Variants in TANGO6 observed in about 807,000 individuals in gnomAD.
The protein encoded by TANGO6 is transport and golgi organization 6 homolog.
In TANGO6, 90 loss-of-function variants were observed where a neutral mutation model predicts 114.2. That is an observed-to-expected ratio of 0.79 (90% CI 0.66 to 0.94). The LOEUF (loss-of-function observed/expected upper bound fraction) is 0.94. Among genes scored for constraint, TANGO6 ranks in the 40% least tolerant of loss-of-function variants. TANGO6 has a pLI of 0.00. For missense variants in TANGO6, 1,274 were observed against 1,315.3 expected, an observed-to-expected ratio of 0.97 and a Z score of 0.49; for synonymous variants, 477 against 509.8, an observed-to-expected ratio of 0.94 and a Z score of 0.87.
intron 16 of TANGO6, among the ~76,000 whole-genome samples, chr16:69,030,199 G>C (rs934265902): frequency 6.6e-6 from 1 of 151,524 alleles, no homozygotes; most frequent in Non-Finnish European, 1.5e-5. Context: ...AACAACTGCC[G>C]TGTTAGGGGC....
intron 17 of TANGO6, among the ~76,000 whole-genome samples, chr16:69,054,956 A>C (rs1304025477): frequency 2.6e-5 from 4 of 151,686 alleles, no homozygotes; most frequent in Non-Finnish European, 4.4e-5. Context: ...AAAAAAAAAA[A>C]AAAAAAAACT....
In TANGO6 at chr16:68,919,147, G is replaced by T; in HGVS notation, c.2055G>T (p.Glu685Asp). Reference protein sequence around the residue: ...RACASLAHQAESTVESQTLSM... With the variant: ...RACASLAHQADSTVESQTLSM... ...GTGCAAGCCTGGCCCATCAGGCAGAGAGCACCGTGGAATCACAGACGCTGA... is the reference window on the plus strand; with the variant it reads ...GTGCAAGCCTGGCCCATCAGGCAGATAGCACCGTGGAATCACAGACGCTGA... The change falls in exon 12 of 18, where the codon GAG becomes GAT. Residue 685 changes from glutamate (E) to aspartate (D), a missense_variant. Coordinates refer to ENST00000261778, the MANE Select transcript of TANGO6 (RefSeq NM_024562.2). 1 of 1,612,996 alleles carries T rather than the reference G, an allele frequency of 6.2e-7. No individual in the cohort carries two copies. The highest frequency in any genetic ancestry group is 8.5e-7 in the Non-Finnish European group (1 of 1,179,608).
intron 14 of TANGO6, among the ~76,000 whole-genome samples, chr16:68,965,485 A>G (rs946046122): frequency 2.3e-4 from 35 of 152,100 alleles, no homozygotes; most frequent in African/African-American, 8.2e-4. Context: ...GATATGCTAT[A>G]TTATTTTCTT....
intron 7 of TANGO6, among the ~76,000 whole-genome samples, chr16:68,887,342 A>G (rs760529253): frequency 2.4e-4 from 36 of 152,192 alleles, no homozygotes; most frequent in Admixed American, 4.6e-4. Flanking sequence ...TGTCACCTTT[A>G]TACACTATCC....
intron 12 of TANGO6, among the ~76,000 whole-genome samples, chr16:68,922,266 G>A (rs1054436079): frequency 1.2e-4 from 18 of 151,768 alleles, no homozygotes; most frequent in Admixed American, 9.2e-4. Context: ...GGCCGGGCGC[G>A]GTGGCTTATG....
At chr16:69,020,761 A>G (rs1051408028) in intron 15 of TANGO6, among the ~76,000 whole-genome samples, 1 of 152,078 alleles carries the variant, frequency 6.6e-6, no homozygotes, top group Non-Finnish European at 1.5e-5. Flanking sequence ...ATTAGGCGCG[A>G]TGGCATACAC....
chr16:68,879,340 G>A (rs1248295108), intron 6 of TANGO6, among the ~76,000 whole-genome samples: 2 of 151,280 alleles, frequency 1.3e-5, no homozygotes, highest in Non-Finnish European at 2.9e-5. Context: ...AAAATTAGCT[G>A]GGCGTGGTGG....
At chr16:68,867,398 C>A in intron 4 of TANGO6, 178 bp downstream of exon 4, 1 of 685,122 alleles carries the variant, frequency 1.5e-6, no homozygotes, top group Non-Finnish European at 2.4e-6. Flanking sequence ...TCCAAAGAAA[C>A]TAATTCTCTT....
chr16:68,872,784 C>T (rs2152165766), intron 4 of TANGO6, among the ~76,000 whole-genome samples: 1 of 151,880 alleles, frequency 6.6e-6, no homozygotes, highest in East Asian at 1.9e-4. Flanking sequence ...ACAGCTTGCG[C>T]CTCCCATGTT....
At chr16:68,889,696 C>T (rs1367111913) in intron 7 of TANGO6, among the ~76,000 whole-genome samples, 3 of 152,140 alleles carry the variant, frequency 2.0e-5, no homozygotes, top group Non-Finnish European at 4.4e-5. Flanking sequence ...GGTTCAGACT[C>T]TCTGGTATGG....
intron 1 of TANGO6, chr16:68,846,612 C>T (rs1361034500): frequency 5.0e-6 from 1 of 199,954 alleles, no homozygotes; most frequent in East Asian, 1.8e-4. Context: ...TCTCCTGCCC[C>T]AGCCTCCCGA....
chr16:69,047,256 A>T (rs998870015), intron 17 of TANGO6, among the ~76,000 whole-genome samples: 2 of 151,108 alleles, frequency 1.3e-5, no homozygotes, highest in Non-Finnish European at 2.9e-5. Flanking sequence ...TTTGTTTGGG[A>T]GGCCAAGGTG....
intron 14 of TANGO6, among the ~76,000 whole-genome samples, chr16:68,941,097 T>C (rs1963348561): frequency 6.6e-6 from 1 of 152,228 alleles, no homozygotes; most frequent in African/African-American, 2.4e-5. Context: ...ATAACTAACA[T>C]TTAAGAGCAG....
chr16:68,884,400 A>C (rs983450929), intron 7 of TANGO6, among the ~76,000 whole-genome samples: 1 of 152,310 alleles, frequency 6.6e-6, no homozygotes, highest in Non-Finnish European at 1.5e-5. Context: ...TCTCATGGAT[A>C]GACTTCTGAA....
rs1055866117 is a variant in TANGO6, at chr16:68,877,245, G to A, written c.1132-873G>A. Among the ~76,000 whole-genome samples the A allele has an allele frequency of 2.6e-5, 4 of 152,088 alleles. No homozygotes were observed. The South Asian group carries it at 8.3e-4, about 32-fold the overall frequency. On this transcript the variant is annotated intron_variant, in intron 5 of 17. Transcript: ENST00000261778. The stretch of plus-strand genomic sequence containing the variant: ...AGCACTTTGGGAGGCTGAGGCGGGC[G>A]GATCACGAGGTCAAGAGTTTGAGAC...
At chr16:68,902,999 C>T (rs1383873801) in intron 9 of TANGO6, among the ~76,000 whole-genome samples, 1 of 152,146 alleles carries the variant, frequency 6.6e-6, no homozygotes, top group African/African-American at 2.4e-5. Flanking sequence ...TCATTTATTT[C>T]TCCAGCATCT....
chr16:68,896,058 A>ACTCTGTCACCCAGGCTGGAGTGCG (rs1555521970), intron 7 of TANGO6, among the ~76,000 whole-genome samples: 2 of 138,584 alleles, frequency 1.4e-5, no homozygotes, highest in Non-Finnish European at 3.3e-5. Flanking sequence ...GCTGGAGTGC[A>ACTCTGTCACCCAGGCTGGAGTGCG]GTAGCCATGA....
intron 4 of TANGO6, chr16:68,867,871 G>T (rs2152162455): frequency 6.6e-6 from 1 of 151,730 alleles, no homozygotes; most frequent in Non-Finnish European, 1.5e-5. Context: ...GCCAGGTGTG[G>T]TGGCTCACAC....
intron 4 of TANGO6, 32 bp downstream of exon 4, chr16:68,867,252 A>G (rs1345603246): frequency 6.2e-7 from 1 of 1,613,020 alleles, no homozygotes; most frequent in African/African-American, 1.3e-5. Context: ...TGACTTTGGT[A>G]TCTGTTTTCC....
Sources: gnomAD v4.1 joint callset for allele counts (sites outside exome capture counted in the v4.1 genomes callset) on GRCh38, gnomAD v4.1.1 for gene constraint, MANE v1.5 for transcripts, NCBI Gene and HGNC (gene_info 2026-07-23, HGNC 2026-07-21) for gene names.